Variants in CNTNAP2 observed in about 807,000 individuals in gnomAD.
CNTNAP2 encodes the protein contactin-associated protein-like 2.
CNTNAP2 carries 98 observed loss-of-function variants against 155.2 expected under a neutral mutation model. The ratio of observed to expected loss-of-function variants is 0.63; its 90% CI spans 0.54 to 0.75. The LOEUF (loss-of-function observed/expected upper bound fraction) is 0.75, where lower values mean the gene tolerates loss of function less well. CNTNAP2 is among the 30% of genes least tolerant of loss of function. CNTNAP2 has a pLI of 0.00. For synonymous variants in CNTNAP2, 651 were observed against 631.2 expected (o/e 1.03, Z -0.47); for missense variants, 1,727 against 1,688.1 (o/e 1.02, Z -0.40).
intron 15 of CNTNAP2, among the ~76,000 whole-genome samples, chr7:148,043,085 C>T (rs1802708035): frequency 6.6e-6 from 1 of 152,188 alleles, no homozygotes; most frequent in African/African-American, 2.4e-5. Flanking sequence ...TGGTTTGACA[C>T]TACATCTCTG....
intron 9 of CNTNAP2, among the ~76,000 whole-genome samples, chr7:147,353,829 C>T (rs528006778): frequency 1.2e-4 from 18 of 151,988 alleles, no homozygotes; most frequent in East Asian, 9.7e-4. Flanking sequence ...ACTTAATGAT[C>T]GCCATTCTAA....
intron 14 of CNTNAP2, among the ~76,000 whole-genome samples, chr7:147,942,612 C>A (rs1800745528): frequency 6.6e-6 from 1 of 152,108 alleles, no homozygotes; most frequent in Non-Finnish European, 1.5e-5. Flanking sequence ...TTCATATTTC[C>A]TTAGAGTCAC....
intron 3 of CNTNAP2, among the ~76,000 whole-genome samples, chr7:146,987,439 CTAAGTA>C (rs368879298): frequency 4.6e-5 from 7 of 152,054 alleles, no homozygotes; most frequent in African/African-American, 1.7e-4. Flanking sequence ...ATATTGAACT[CTAAGTA>C]TGTCAGGATT....
At chr7:146,946,963 T>G (rs1797190061) in intron 3 of CNTNAP2, among the ~76,000 whole-genome samples, 1 of 152,194 alleles carries the variant, frequency 6.6e-6, no homozygotes, top group Non-Finnish European at 1.5e-5. Context: ...TCCTGTAGAT[T>G]TAGACTGCAT....
chr7:146,161,196 T>A (rs1009298165), intron 1 of CNTNAP2, among the ~76,000 whole-genome samples: 1 of 152,200 alleles, frequency 6.6e-6, no homozygotes, highest in African/African-American at 2.4e-5. Flanking sequence ...TGATGGGACG[T>A]ATCTCAAAAT....
chr7:148,408,019 T>C (rs1799742814), intron 22 of CNTNAP2, among the ~76,000 whole-genome samples: 1 of 151,864 alleles, frequency 6.6e-6, no homozygotes, highest in Admixed American at 6.6e-5. Flanking sequence ...CCAGGGTGAG[T>C]GGATAACTTG....
intron 13 of CNTNAP2, among the ~76,000 whole-genome samples, chr7:147,874,881 G>T (rs543829249): frequency 6.6e-6 from 1 of 152,260 alleles, no homozygotes; most frequent in Non-Finnish European, 1.5e-5. Flanking sequence ...CAGATCTCTA[G>T]GGCAGGGGCA....
rs527887062 is a variant in CNTNAP2, at chr7:146,712,633, T to G, written c.98-61638T>G. 1.1e-4 allele frequency among the ~76,000 whole-genome samples: 17 copies of G among 151,694 alleles called. No homozygotes were observed. In the South Asian group the frequency reaches 3.5e-3, roughly 32 times the overall value. On this transcript the variant is annotated intron_variant, in intron 1 of 23. Transcript: ENST00000361727. Reference sequence around the variant, plus strand: ...TTTTCTTTCAAAAAAACTAACCCCATGACTAGAATTTTGATCTACTTTTGC... The same window carrying G: ...TTTTCTTTCAAAAAAACTAACCCCAGGACTAGAATTTTGATCTACTTTTGC...
intron 3 of CNTNAP2, among the ~76,000 whole-genome samples, chr7:147,004,385 C>T (rs571784228): frequency 1.3e-5 from 2 of 151,752 alleles, no homozygotes; most frequent in African/African-American, 4.8e-5. Flanking sequence ...AATAATTGAC[C>T]TTGTAGAAAA....
intron 1 of CNTNAP2, among the ~76,000 whole-genome samples, chr7:146,710,873 G>A (rs1018840321): frequency 3.3e-5 from 5 of 151,902 alleles, no homozygotes; most frequent in African/African-American, 1.2e-4. Context: ...ATATATATCC[G>A]GTCTTGGCAT....
At chr7:146,181,505 A>G (rs1798548800) in intron 1 of CNTNAP2, among the ~76,000 whole-genome samples, 1 of 152,142 alleles carries the variant, frequency 6.6e-6, no homozygotes, top group Admixed American at 6.5e-5. Flanking sequence ...GGTTTTACAT[A>G]TCCTTCCATA....
chr7:146,974,646 AAAGCATATTG>A (rs1797871521), intron 3 of CNTNAP2, among the ~76,000 whole-genome samples: 1 of 152,186 alleles, frequency 6.6e-6, no homozygotes, highest in African/African-American at 2.4e-5. Context: ...ACATTTAGTA[AAAGCATATTG>A]ATGTTGGTAC....
At chr7:146,254,341 A>C (rs1316435232) in intron 1 of CNTNAP2, among the ~76,000 whole-genome samples, 1 of 152,254 alleles carries the variant, frequency 6.6e-6, no homozygotes, top group African/African-American at 2.4e-5. Flanking sequence ...GTGTATTTCA[A>C]TAAAATAATG....
chr7:146,914,726 A>G (rs1024285601), intron 3 of CNTNAP2, among the ~76,000 whole-genome samples: 2 of 151,874 alleles, frequency 1.3e-5, no homozygotes, highest in Non-Finnish European at 2.9e-5. Flanking sequence ...GATTATAAAG[A>G]TTTTCTCCCA....
intron 1 of CNTNAP2, among the ~76,000 whole-genome samples, chr7:146,582,669 T>C (rs1326740721): frequency 1.3e-5 from 2 of 152,084 alleles, no homozygotes; most frequent in African/African-American, 2.4e-5. Flanking sequence ...TACTAGAATA[T>C]TGGCAAAAAT....
In CNTNAP2 at chr7:147,787,300, G is replaced by A. The variant is rs376134453; in HGVS notation, c.2099-116265G>A. 3.3e-5 allele frequency among the ~76,000 whole-genome samples: 5 copies of A among 152,312 alleles called. No individual in the cohort carries two copies. In the South Asian group the frequency reaches 8.3e-4, roughly 25 times the overall value. ...CCAGGCAATTTGGTATGATGTGGGT[G>A]CTTCAGTATCAGCCAGGTACAGCTC... On this transcript the variant is annotated intron_variant, in intron 13 of 23. Transcript: ENST00000361727.
chr7:147,381,127 TG>T (rs1274694345), intron 9 of CNTNAP2, among the ~76,000 whole-genome samples: 1 of 152,166 alleles, frequency 6.6e-6, no homozygotes, highest in Non-Finnish European at 1.5e-5. Context: ...GAGCAGCTGC[TG>T]GGTGTCAGTC....
chr7:146,582,743 A>G (rs921351664), intron 1 of CNTNAP2, among the ~76,000 whole-genome samples: 2 of 152,112 alleles, frequency 1.3e-5, no homozygotes, highest in African/African-American at 4.8e-5. Flanking sequence ...GATTTCACCT[A>G]GTATATTTAG....
intron 1 of CNTNAP2, among the ~76,000 whole-genome samples, chr7:146,196,414 C>T (rs994952470): frequency 6.6e-6 from 1 of 152,124 alleles, no homozygotes; most frequent in Admixed American, 6.6e-5. Context: ...AAGAAATGAG[C>T]ACCAGCCAAG....
Sources: gnomAD v4.1 joint callset for allele counts (sites outside exome capture counted in the v4.1 genomes callset) on GRCh38, gnomAD v4.1.1 for gene constraint, MANE v1.5 for transcripts, NCBI Gene and HGNC (gene_info 2026-07-23, HGNC 2026-07-21) for gene names.